The following C1orf159 variants were observed in gnomAD, a reference collection of about 807,000 sequenced individuals.
The protein encoded by C1orf159 is chromosome 1 open reading frame 159, also known as uncharacterized protein C1orf159.
C1orf159 carries 19 observed loss-of-function variants against 25.6 expected under a neutral mutation model. That is an observed-to-expected ratio of 0.74 (90% CI 0.52 to 1.09). C1orf159 has a LOEUF of 1.09. Among genes scored for constraint, C1orf159 ranks in the 50% least tolerant of loss-of-function variants. C1orf159 has a pLI of 0.00. For synonymous variants in C1orf159, 139 were observed against 124.7 expected (o/e 1.12, Z -0.77); for missense variants, 274 against 290.6 (o/e 0.94, Z 0.42).
Position 1,087,141 on chromosome 1 carries a change from G to A in C1orf159, c.308C>T (p.Pro103Leu), listed in dbSNP as rs1266614446. The stretch of plus-strand genomic sequence containing the variant: ...GGCTGTGGCCTGCTGAGACTTACCA[G>A]GATGTGGCCGCCCGGGGGTCCCTGA... The part of the protein sequence containing the change: ...RSSGTPGRPH[P>L]GAPRVAASLF... The change falls in exon 6 of 10, where the codon CCT (proline) becomes CTT (leucine). Residue 103 changes from proline to leucine, a missense_variant and splice_region_variant. By Grantham distance (98) the Pro-to-Leu change is moderately conservative (BLOSUM62 -3). Transcript: ENST00000421241. This position sits in a 1 kb window ranked among gnomAD's most constrained non-coding sequence, Gnocchi z 8.3. 1 of 1,608,686 alleles carries A rather than the reference G, an allele frequency of 6.2e-7. No homozygotes were observed. The highest frequency in any genetic ancestry group is 2.2e-5 in the East Asian group (1 of 44,890).
At chr1:1,103,214 G>A (rs1327076894) in intron 1 of C1orf159, among the ~76,000 whole-genome samples, 2 of 152,152 alleles carry the variant, frequency 1.3e-5, no homozygotes, top group East Asian at 1.9e-4. Context: ...GAGATTTCCG[G>A]CACTTTGTTC....
At chr1:1,085,107 C>A in intron 7 of C1orf159, 1 of 265,134 alleles carries the variant, frequency 3.8e-6, no homozygotes, top group South Asian at 3.2e-5. Flanking sequence ...ACCCTGGCAG[C>A]GGGCTCCCGA....
intron 1 of C1orf159, among the ~76,000 whole-genome samples, chr1:1,101,523 C>T (rs1646100225): frequency 6.6e-6 from 1 of 152,022 alleles, no homozygotes; most frequent in Admixed American, 6.6e-5. Flanking sequence ...AGTCTATCAG[C>T]TCATGGTCTA....
rs369198447 is a variant in C1orf159 at position 1,082,798 on chromosome 1, C to T, written c.*95G>A. Reference sequence around the variant, plus strand: ...AGGCTGTGCCCAGGACTGTCCCGGGCGCCGGGCGATGCCAACACTTTGTGC... The same window carrying T: ...AGGCTGTGCCCAGGACTGTCCCGGGTGCCGGGCGATGCCAACACTTTGTGC... On this transcript the variant is annotated 3_prime_UTR_variant, in exon 10 of 10. Coordinates refer to ENST00000421241, the MANE Select transcript of C1orf159 (RefSeq NM_017891.5). 275 of 1,154,166 alleles carry T rather than the reference C, an allele frequency of 2.4e-4. No individual in the cohort carries two copies. The African/African-American group carries it at 2.7e-3, about 11-fold the overall frequency. The allele number at this position is 1,154,166 out of a possible 1,614,324, so 71.5% of individuals were successfully genotyped here.
chr1:1,095,378 T>G (rs1309311057), intron 1 of C1orf159, among the ~76,000 whole-genome samples: 1 of 152,272 alleles, frequency 6.6e-6, no homozygotes, highest in Non-Finnish European at 1.5e-5. Flanking sequence ...TAGTTTTCAG[T>G]GAACAGGTCT....
chr1:1,090,567 G>A (rs1401182938), intron 3 of C1orf159, 139 bp from the exon 4 acceptor site: 25 of 915,402 alleles, frequency 2.7e-5, no homozygotes, highest in Admixed American at 1.0e-4. Context: ...AGCATCGGGT[G>A]GCCCTCTGTC....
intron 7 of C1orf159, chr1:1,085,403 G>A (rs1005602980): frequency 3.2e-6 from 1 of 315,804 alleles, no homozygotes; most frequent in Admixed American, 3.8e-5. Flanking sequence ...CAGTGGGAAG[G>A]GGTCAGTGCC....
chr1:1,101,340 C>T (rs1646097033), intron 1 of C1orf159, among the ~76,000 whole-genome samples: 1 of 152,038 alleles, frequency 6.6e-6, no homozygotes, highest in African/African-American at 2.4e-5. Context: ...AAAATTAGCT[C>T]AGCATGGTAG....
chr1:1,087,043 G>T lies in C1orf159; in HGVS notation c.310+96C>A. 7.9e-7 allele frequency: 1 copy of T among 1,269,394 alleles called. No homozygotes were observed. Among genetic ancestry groups the T allele is most frequent in the Non-Finnish European group, 1.1e-6 (1 of 903,184 alleles). 78.6% of individuals were successfully genotyped at this position (1,269,394 alleles called of 1,614,324 possible). The stretch of plus-strand genomic sequence containing the variant: ...GGCTGTTTTGCAGAACCCTGAGCCT[G>T]CTGTGGCTGCGTCAAGGGTGAGGGT... On this transcript the variant is annotated intron_variant, in intron 6 of 9. Transcript: ENST00000421241. This position sits in a 1 kb window ranked among gnomAD's most constrained non-coding sequence, Gnocchi z 8.3.
intron 6 of C1orf159, 147 bp downstream of exon 6, chr1:1,086,992 C>A: frequency 1.3e-6 from 1 of 767,752 alleles, no homozygotes; most frequent in Non-Finnish European, 2.1e-6. Flanking sequence ...TGACCCCAAG[C>A]TGCAGGGGCT....
intron 1 of C1orf159, among the ~76,000 whole-genome samples, chr1:1,100,688 G>A (rs1646089038): frequency 6.6e-6 from 1 of 152,032 alleles, no homozygotes; most frequent in African/African-American, 2.4e-5. Context: ...GCCCTCTTTT[G>A]CGTGATTTGA....
rs962755000 is a variant in C1orf159 at position 1,089,754 on chromosome 1, C to T, written c.148+599G>A. ...AAGGGCCGCCAAGGAGTGGCCCTTGCACCTTCTCACTCTGTCCTCCCCTCC... is the reference window on the plus strand; with the variant it reads ...AAGGGCCGCCAAGGAGTGGCCCTTGTACCTTCTCACTCTGTCCTCCCCTCC... On this transcript the variant is annotated intron_variant, in intron 4 of 9. Transcript: ENST00000421241. The surrounding 1 kb of genome is among the most constrained non-coding windows in gnomAD (Gnocchi z 7.5). Among the ~76,000 whole-genome samples, 6 of 152,136 alleles carry T rather than the reference C, an allele frequency of 3.9e-5. No homozygotes were observed. Among genetic ancestry groups the T allele is most frequent in the African/African-American group, 1.4e-4 (6 of 41,438 alleles).
chr1:1,111,742 C>T (rs750974813), intron 1 of C1orf159, among the ~76,000 whole-genome samples: 5 of 152,196 alleles, frequency 3.3e-5, no homozygotes, highest in Non-Finnish European at 5.9e-5. Context: ...GCGGGTTTCT[C>T]ACGCTGCTGA....
At chr1:1,109,933 C>T (rs531091905) in intron 1 of C1orf159, among the ~76,000 whole-genome samples, 10 of 152,268 alleles carry the variant, frequency 6.6e-5, no homozygotes, top group East Asian at 1.9e-4. Context: ...TGGAAAGTGA[C>T]GCTGTAGTTA....
intron 1 of C1orf159, among the ~76,000 whole-genome samples, chr1:1,101,607 CTA>C (rs2100764720): frequency 6.6e-6 from 1 of 152,164 alleles, no homozygotes; most frequent in African/African-American, 2.4e-5. Flanking sequence ...TCAGCTCAGT[CTA>C]TTGGCTCAGG....
chr1:1,105,826 G>C (rs1456753889), intron 1 of C1orf159: 1 of 152,170 alleles, frequency 6.6e-6, no homozygotes, highest in Non-Finnish European at 1.5e-5. Flanking sequence ...GGTGAGCCGA[G>C]ATAGCACCAC....
At chr1:1,107,410 A>C (rs1194690537) in intron 1 of C1orf159, among the ~76,000 whole-genome samples, 2 of 151,854 alleles carry the variant, frequency 1.3e-5, no homozygotes, top group African/African-American at 4.8e-5. Context: ...ACCAATCAGC[A>C]CTCTGTGTCT....
rs751410786 is a variant in C1orf159 at position 1,087,824 on chromosome 1, C to T, written c.149-227G>A. Among the ~76,000 whole-genome samples the T allele has an allele frequency of 2.1e-4, 32 of 151,254 alleles. No individual in the cohort carries two copies. Among genetic ancestry groups the T allele is most frequent in the Non-Finnish European group, 3.7e-4 (25 of 67,728 alleles). On this transcript the variant is annotated intron_variant, in intron 4 of 9. Coordinates refer to ENST00000421241, the MANE Select transcript of C1orf159 (RefSeq NM_017891.5). The surrounding 1 kb of genome is among the most constrained non-coding windows in gnomAD (Gnocchi z 8.3). ...CTGCGCACCCTGACCCTGAGTACTC[C>T]GACCCCAAGTACTCCACGCTGCACT...
intron 1 of C1orf159, among the ~76,000 whole-genome samples, chr1:1,099,778 G>A (rs1424487219): frequency 6.6e-6 from 1 of 150,684 alleles, no homozygotes; most frequent in Non-Finnish European, 1.5e-5. Flanking sequence ...ATTGTTCTAA[G>A]AATCGGAGAG....
Sources: gnomAD v4.1 joint callset for allele counts (sites outside exome capture counted in the v4.1 genomes callset) on GRCh38, gnomAD v4.1.1 for gene constraint, Gnocchi (gnomAD v3.1) non-coding constraint, MANE v1.5 for transcripts, NCBI Gene and HGNC (gene_info 2026-07-23, HGNC 2026-07-21) for gene names.